Variants in HSPG2 observed in about 807,000 individuals in gnomAD.
HSPG2 encodes the protein basement membrane-specific heparan sulfate proteoglycan core protein.
In HSPG2, 278 loss-of-function variants were observed where a neutral mutation model predicts 526.6. The ratio of observed to expected loss-of-function variants is 0.53; its 90% CI spans 0.48 to 0.58. The LOEUF is 0.58. Ranked by LOEUF, HSPG2 falls within the 20% of genes least tolerant of loss-of-function variation. The probability of loss-of-function intolerance (pLI) is 0.00; values close to 1 mark genes in which losing one functional copy is unlikely to be tolerated. For missense variants in HSPG2, 5,354 were observed against 6,099.5 expected (o/e 0.88, Z 4.07); for synonymous variants, 2,465 against 2,555.4 (o/e 0.96, Z 1.07).
rs930549980 is a variant in HSPG2 at position 21,823,845 on chromosome 1, T to C, written c.12900-126A>G. 6 of 810,618 alleles carry C rather than the reference T, an allele frequency of 7.4e-6. No individual in the cohort carries two copies. The African/African-American group carries it at 1.0e-4, about 14-fold the overall frequency. The allele number at this position is 810,618 out of a possible 1,614,324, so 50.2% of individuals were successfully genotyped here. ...AAGTCTGTCCCTGTTTCCCAAGCTC[T>C]TTCTTTCCCCCGCTGAACGAGAGAT... On this transcript the variant is annotated intron_variant, in intron 95 of 96. Transcript: ENST00000374695.
chr1:21,927,741 GAA>G (rs1423244864), intron 1 of HSPG2, among the ~76,000 whole-genome samples: 1 of 152,190 alleles, frequency 6.6e-6, no homozygotes, highest in Non-Finnish European at 1.5e-5. Flanking sequence ...AATCAGGGTG[GAA>G]GGATGGACTC....
intron 53 of HSPG2, 54 bp downstream of exon 53, chr1:21,852,034 G>A: frequency 6.2e-7 from 1 of 1,611,934 alleles, no homozygotes; most frequent in Non-Finnish European, 8.5e-7. Context: ...CTAGGGGCCA[G>A]GATCCTGCAA....
intron 26 of HSPG2, 25 bp from the exon 27 acceptor site, chr1:21,874,754 G>C: frequency 6.4e-7 from 1 of 1,572,074 alleles, no homozygotes; most frequent in Non-Finnish European, 8.7e-7. Flanking sequence ...ATGGCAGTGG[G>C]AGGGACTTCC....
chr1:21,909,060 A>G (rs1173633173), intron 1 of HSPG2, among the ~76,000 whole-genome samples: 2 of 152,196 alleles, frequency 1.3e-5, no homozygotes, highest in Non-Finnish European at 2.9e-5. Context: ...GTGGGCCAAG[A>G]TGGCGCCATT....
chr1:21,918,501 A>G (rs999980862), intron 1 of HSPG2, among the ~76,000 whole-genome samples: 3 of 151,904 alleles, frequency 2.0e-5, no homozygotes, highest in African/African-American at 4.8e-5. Context: ...GGACAATAAT[A>G]GTACCTGCCT....
chr1:21,904,552 C>T lies in HSPG2; in HGVS notation c.64-8242G>A, dbSNP rs529635299. On this transcript the variant is annotated intron_variant, in intron 1 of 96. Coordinates refer to ENST00000374695, the MANE Select transcript of HSPG2 (RefSeq NM_005529.7). The surrounding 1 kb of genome is among the most constrained non-coding windows in gnomAD (Gnocchi z 4.4). The stretch of plus-strand genomic sequence containing the variant: ...CCCCCAGAGTCCCTGCACTCTCCTC[C>T]GTCCCCCACAGACACCCCAAGATTA... 3.3e-5 allele frequency among the ~76,000 whole-genome samples: 5 copies of T among 152,312 alleles called. No individual in the cohort carries two copies. The highest frequency in any genetic ancestry group is 4.1e-4 in the South Asian group (2 of 4,824).
chr1:21,908,574 G>A (rs901050688), intron 1 of HSPG2: 107 of 717,558 alleles, frequency 1.5e-4, no homozygotes, highest in South Asian at 1.4e-3. Flanking sequence ...ATGAATTCAC[G>A]GCATAATAGG....
chr1:21,830,965 G>A lies in HSPG2; in HGVS notation c.11671+17C>T. On this transcript the variant is annotated intron_variant, in intron 85 of 96. Transcript: ENST00000374695. ...GCAGGCCCTGGGGCGACAGCGACTG[G>A]CGGTCGGGGTGCGTACCTGGATGGC... 1 of 1,541,050 alleles carries A rather than the reference G, an allele frequency of 6.5e-7. No individual in the cohort carries two copies. The highest frequency in any genetic ancestry group is 8.8e-7 in the Non-Finnish European group (1 of 1,132,724).
Position 21,931,285 on chromosome 1 carries a change from C to T in HSPG2, c.63+5870G>A, listed in dbSNP as rs116405697. Among the ~76,000 whole-genome samples the T allele has an allele frequency of 4.6e-3, 707 of 152,348 alleles. 4 individuals are homozygous for T. Among genetic ancestry groups the T allele is most frequent in the African/African-American group, 0.016 (673 of 41,580 alleles). Reference sequence around the variant, plus strand: ...GGCTGGGCAGTGAGGCCGGCGGCTCCCCGCGAAGTGAGTTCCACACATACT... The same window carrying T: ...GGCTGGGCAGTGAGGCCGGCGGCTCTCCGCGAAGTGAGTTCCACACATACT... On this transcript the variant is annotated intron_variant, in intron 1 of 96. Coordinates refer to ENST00000374695, the MANE Select transcript of HSPG2 (RefSeq NM_005529.7).
In HSPG2 at chr1:21,884,740, C is replaced by T. The variant is rs747153063; in HGVS notation, c.1507+27G>A. ...GGGCAGCCCGGCTCTGCCCCCACAC[C>T]CGGTGACACCTGCCCTCCGGCAGTA... On this transcript the variant is annotated intron_variant, in intron 12 of 96. Coordinates refer to ENST00000374695, the MANE Select transcript of HSPG2 (RefSeq NM_005529.7). The T allele has an allele frequency of 1.9e-6, 3 of 1,612,328 alleles. No individual in the cohort carries two copies. The South Asian group carries it at 3.3e-5, about 18-fold the overall frequency.
intron 1 of HSPG2, among the ~76,000 whole-genome samples, chr1:21,919,422 TC>T (rs1240028456): frequency 9.4e-6 from 1 of 106,460 alleles, no homozygotes; most frequent in East Asian, 2.3e-4. Flanking sequence ...CAAGACCCTG[TC>T]TCAAAAAAAA....
rs983167015 is a variant in HSPG2 at position 21,831,098 on chromosome 1, G to A, written c.11563-8C>T. ...ATGGCACTGACCGCCATTCTGCAAA[G>A]CAGCCCCCAGAAGTAAGGCCGAGAA... On this transcript the variant is annotated splice_polypyrimidine_tract_variant and splice_region_variant and intron_variant, in intron 84 of 96. Transcript: ENST00000374695. 6.2e-7 allele frequency: 1 copy of A among 1,607,360 alleles called. No homozygotes were observed.
chr1:21,857,015 C>G lies in HSPG2; in HGVS notation c.5575G>C (p.Ala1859Pro), dbSNP rs1309083967. 1 of 1,614,042 alleles carries G rather than the reference C, an allele frequency of 6.2e-7. No homozygotes were observed. Among genetic ancestry groups the G allele is most frequent in the Non-Finnish European group, 8.5e-7 (1 of 1,179,928 alleles). ...AATCAGGTATAGATGGGAGGTGTACCCTGCACATGTAGAGTGGCTGTGCCC... is the reference window on the plus strand; with the variant it reads ...AATCAGGTATAGATGGGAGGTGTACGCTGCACATGTAGAGTGGCTGTGCCC... ...DQGTATLHVQ[A>P]SGTLSAPVVS... The change falls in exon 44 of 97, where the codon GCC becomes CCC. Residue 1859 changes from alanine to proline, a missense_variant and splice_region_variant. Transcript: ENST00000374695.
intron 3 of HSPG2, among the ~76,000 whole-genome samples, chr1:21,894,832 A>T (rs2152771680): frequency 6.6e-6 from 1 of 152,228 alleles, no homozygotes; most frequent in Middle Eastern, 3.4e-3. Context: ...GGCCCACCTG[A>T]CACTCCCTCT....
chr1:21,855,421 C>T lies in HSPG2; in HGVS notation c.5880G>A (p.Val1960=). 6.2e-7 allele frequency: 1 copy of T among 1,613,238 alleles called. No homozygotes were observed. Among genetic ancestry groups the T allele is most frequent in the African/African-American group, 1.3e-5 (1 of 75,030 alleles). ...CGTGGACCTGGGTCCTCTCTGGGCT[C>T]ACTTGGACTCTGGGCCCACCGCCCC... ...VHGGGGPRVQ[V]SPERTQVHAG... is the part of the protein sequence containing the mutation. The change falls in exon 47 of 97, where the codon GTG becomes GTA. Residue 1960 remains valine (V), a synonymous_variant. Coordinates refer to ENST00000374695, the MANE Select transcript of HSPG2 (RefSeq NM_005529.7).
In HSPG2 at chr1:21,836,889, A is replaced by G; in HGVS notation, c.10268T>C (p.Val3423Ala). The change falls in exon 75 of 97, where the codon GTG (valine) becomes GCG (alanine). Residue 3423 changes from valine (V) to alanine (A), a missense_variant. By Grantham distance (64) the Val-to-Ala change is moderately conservative. Transcript: ENST00000374695. ...GAGCTGGGTACCCCGGTCGCTGGGC[A>G]CAGCACAGTGGAACTCAACGCTGGC... ...IGASVEFHCA[V>A]PSDRGTQLRW... is the part of the protein sequence containing the mutation. The G allele has an allele frequency of 6.4e-7, 1 of 1,572,224 alleles. No individual in the cohort carries two copies. Among genetic ancestry groups the G allele is most frequent in the Non-Finnish European group, 8.6e-7 (1 of 1,158,484 alleles).
At position 21,831,763 on chromosome 1, in the gene HSPG2, G is replaced by T; in HGVS notation, c.11241C>A (p.Arg3747=). 1 of 1,603,614 alleles carries T rather than the reference G, an allele frequency of 6.2e-7. No individual in the cohort carries two copies. ...FDAGSGMATI[R]HPTPLALGHF... ...GGCCCAGGGCCAGTGGTGTGGGATG[G>T]CGGATGGTGGCCATGCCTGAGCCTG... Residue 3747 remains arginine, a synonymous_variant, in exon 82 of 97, where the codon CGC becomes CGA. Transcript: ENST00000374695.
chr1:21,903,884 T>TG (rs898977423), intron 1 of HSPG2, among the ~76,000 whole-genome samples: 23 of 152,240 alleles, frequency 1.5e-4, no homozygotes, highest in African/African-American at 5.5e-4. Flanking sequence ...CACCAGCCGG[T>TG]GGGGCAGAGC....
rs1388381603 is a variant in HSPG2, at chr1:21,893,425, G to A, written c.244+2497C>T. 6.6e-6 allele frequency among the ~76,000 whole-genome samples: 1 copy of A among 152,236 alleles called. No homozygotes were observed. The highest frequency in any genetic ancestry group is 1.5e-5 in the Non-Finnish European group (1 of 68,036). On this transcript the variant is annotated intron_variant, in intron 3 of 96. Coordinates refer to ENST00000374695, the MANE Select transcript of HSPG2 (RefSeq NM_005529.7). The surrounding 1 kb of genome is among the most constrained non-coding windows in gnomAD (Gnocchi z 4.3). ...GTGGCTGGCCTAGCCCCTGGACTCT[G>A]CAGGGAGGTGCCTCTGAGCCTCTTG...
Sources: gnomAD v4.1 joint callset for allele counts (sites outside exome capture counted in the v4.1 genomes callset) on GRCh38, gnomAD v4.1.1 for gene constraint, Gnocchi (gnomAD v3.1) non-coding constraint, MANE v1.5 for transcripts, NCBI Gene and HGNC (gene_info 2026-07-23, HGNC 2026-07-21) for gene names.